The following ARID1B variants were observed in gnomAD, a reference collection of about 807,000 sequenced individuals.
The protein encoded by ARID1B is AT-rich interactive domain-containing protein 1B.
In ARID1B, 30 loss-of-function variants were observed where a neutral mutation model predicts 212.3. The observed-to-expected ratio is 0.14, with a 90% CI of 0.11 to 0.19. The LOEUF is 0.19. Ranked by LOEUF, ARID1B falls within the 10% of genes least tolerant of loss-of-function variation. The pLI is 1.00. For missense variants in ARID1B, 2,891 were observed against 3,204.0 expected (o/e 0.90, Z 2.36); for synonymous variants, 1,402 against 1,301.7 (o/e 1.08, Z -1.66).
chr6:157,089,809 G>C (rs1785167780), intron 5 of ARID1B, among the ~76,000 whole-genome samples: 1 of 152,184 alleles, frequency 6.6e-6, no homozygotes, highest in African/African-American at 2.4e-5. Context: ...TAGATGTAAT[G>C]TCAGGTACAG....
At chr6:157,059,373 T>C (rs1222303096) in intron 4 of ARID1B, among the ~76,000 whole-genome samples, 2 of 152,228 alleles carry the variant, frequency 1.3e-5, no homozygotes, top group Admixed American at 1.3e-4. Context: ...AGAGATAAAG[T>C]TACTTATCGT....
At chr6:157,199,049 T>C in intron 17 of ARID1B, 142 bp downstream of exon 17, 1 of 667,214 alleles carries the variant, frequency 1.5e-6, no homozygotes, top group Non-Finnish European at 2.4e-6. Flanking sequence ...ATATAGTTAA[T>C]GCTAGAAAGT....
chr6:156,850,797 A>G (rs543817118), intron 2 of ARID1B, among the ~76,000 whole-genome samples: 1 of 152,316 alleles, frequency 6.6e-6, no homozygotes, highest in South Asian at 2.1e-4. Context: ...TTGAAACCAC[A>G]TTGAGTGAGA....
chr6:156,947,833 C>G (rs1022598754), intron 4 of ARID1B, among the ~76,000 whole-genome samples: 2 of 152,084 alleles, frequency 1.3e-5, no homozygotes, highest in African/African-American at 2.4e-5. Flanking sequence ...TTGCCAAGGG[C>G]AATTAATGAA....
intron 7 of ARID1B, among the ~76,000 whole-genome samples, chr6:157,141,797 G>C (rs754024336): frequency 1.3e-5 from 2 of 152,136 alleles, no homozygotes; most frequent in Non-Finnish European, 2.9e-5. Flanking sequence ...AATATCAAGT[G>C]CTGGCAGTTA....
intron 2 of ARID1B, among the ~76,000 whole-genome samples, chr6:156,843,511 G>C (rs1000810399): frequency 6.6e-6 from 1 of 152,100 alleles, no homozygotes; most frequent in African/African-American, 2.4e-5. Flanking sequence ...GAGATATGCT[G>C]AGTAGTGCGC....
At chr6:157,042,149 G>A (rs1781927354) in intron 4 of ARID1B, among the ~76,000 whole-genome samples, 2 of 152,178 alleles carry the variant, frequency 1.3e-5, no homozygotes, top group South Asian at 2.1e-4. Flanking sequence ...CCTCCAGGGT[G>A]TATTCTTAAA....
At chr6:156,916,421 C>T (rs369496919) in intron 3 of ARID1B, among the ~76,000 whole-genome samples, 2 of 152,098 alleles carry the variant, frequency 1.3e-5, no homozygotes, top group African/African-American at 2.4e-5. Context: ...ACCCAACACT[C>T]GTCATTTCCT....
chr6:156,843,339 A>G (rs1784023373), intron 2 of ARID1B, among the ~76,000 whole-genome samples: 1 of 152,200 alleles, frequency 6.6e-6, no homozygotes, highest in Non-Finnish European at 1.5e-5. Flanking sequence ...GGAAAGAAAA[A>G]CAGTTCATGC....
At chr6:156,966,376 C>CTTTTCTTTTCTTTTCTTTTCTT (rs1562516242) in intron 4 of ARID1B, among the ~76,000 whole-genome samples, 28 of 90,538 alleles carry the variant, frequency 3.1e-4, no homozygotes, top group African/African-American at 1.3e-3. Context: ...AATAACTTTT[C>CTTTTCTTTTCTTTTCTTTTCTT]TTTTCTTTTC....
chr6:157,184,715 T>C, intron 13 of ARID1B: 1 of 501,874 alleles, frequency 2.0e-6, no homozygotes, highest in Non-Finnish European at 3.6e-6. Flanking sequence ...CTAAGCCATA[T>C]ACGTTTATTG....
intron 4 of ARID1B, among the ~76,000 whole-genome samples, chr6:157,008,897 C>T (rs1305256845): frequency 2.0e-5 from 3 of 152,134 alleles, no homozygotes; most frequent in African/African-American, 7.2e-5. Context: ...ACCCACCTTC[C>T]CAACTACTGC....
chr6:156,907,958 A>G (rs1449280008), intron 3 of ARID1B, among the ~76,000 whole-genome samples: 1 of 151,120 alleles, frequency 6.6e-6, no homozygotes, highest in Non-Finnish European at 1.5e-5. Flanking sequence ...TAATTTACTG[A>G]AAGAATTTGT....
chr6:157,012,657 C>G (rs1447325217), intron 4 of ARID1B, among the ~76,000 whole-genome samples: 1 of 152,184 alleles, frequency 6.6e-6, no homozygotes, highest in Non-Finnish European at 1.5e-5. Flanking sequence ...CTAATTTCCT[C>G]AAATAATTGT....
intron 5 of ARID1B, among the ~76,000 whole-genome samples, chr6:157,089,643 G>A (rs1170856293): frequency 3.3e-5 from 5 of 152,060 alleles, no homozygotes; most frequent in Non-Finnish European, 7.4e-5. Context: ...AAACACAAAC[G>A]CTGTACTCTC....
chr6:157,078,856 A>G lies in ARID1B; in HGVS notation c.2248-5806A>G, dbSNP rs1202758320. On this transcript the variant is annotated intron_variant, in intron 4 of 19. Transcript: ENST00000636930. ...TAAAATGAGAGTTACCCATAATGGAATCTTTGCCTGAGAAATAACACAAAC... is the reference window on the plus strand; with the variant it reads ...TAAAATGAGAGTTACCCATAATGGAGTCTTTGCCTGAGAAATAACACAAAC... Among the ~76,000 whole-genome samples, 5 of 152,226 alleles carry G rather than the reference A, an allele frequency of 3.3e-5. No individual in the cohort carries two copies. The East Asian group carries it at 9.6e-4, about 29-fold the overall frequency.
chr6:156,989,729 T>G (rs1318367782), intron 4 of ARID1B, among the ~76,000 whole-genome samples: 4 of 152,234 alleles, frequency 2.6e-5, no homozygotes, highest in Non-Finnish European at 5.9e-5. Flanking sequence ...TAGCAATGTT[T>G]GCTGATTTAT....
chr6:157,150,525 T>G (rs911411968), intron 8 of ARID1B: 3 of 159,162 alleles, frequency 1.9e-5, no homozygotes, highest in African/African-American at 7.2e-5. Context: ...AGAATATTAC[T>G]TTTCTCTGCC....
At chr6:156,885,933 C>A (rs1336987557) in intron 2 of ARID1B, among the ~76,000 whole-genome samples, 1 of 152,120 alleles carries the variant, frequency 6.6e-6, no homozygotes, top group African/African-American at 2.4e-5. Context: ...ATCTGAAAAT[C>A]CAAAATTAGA....
Sources: allele counts gnomAD v4.1 joint callset (sites outside exome capture counted in the v4.1 genomes callset), GRCh38; gene constraint gnomAD v4.1.1; transcripts MANE v1.5; gene names NCBI Gene and HGNC (gene_info 2026-07-23, HGNC 2026-07-21).